The following SCRN2 variants were observed in gnomAD, a reference collection of about 807,000 sequenced individuals.
The protein encoded by SCRN2 is secernin 2.
Under a neutral mutation model 40.1 loss-of-function variants are expected in SCRN2, and 30 were observed. The ratio of observed to expected loss-of-function variants is 0.75; its 90% confidence interval spans 0.56 to 1.01. The LOEUF (loss-of-function observed/expected upper bound fraction) is 1.01. Among genes scored for constraint, SCRN2 ranks in the 50% least tolerant of loss-of-function variants. The probability of loss-of-function intolerance (pLI) is 0.00; values close to 1 mark genes in which losing one functional copy is unlikely to be tolerated. For missense variants in SCRN2, 526 were observed against 564.9 expected (o/e 0.93, Z 0.70); for synonymous variants, 240 against 233.5 (o/e 1.03, Z -0.25).
intron 5 of SCRN2, 26 bp from the exon 6 acceptor site, chr17:47,838,722 G>A: frequency 1.2e-6 from 2 of 1,611,790 alleles, no homozygotes; most frequent in South Asian, 1.1e-5. Context: ...GGGGGAAGCT[G>A]TGGGAGGGGA....
chr17:47,840,454 A>C, intron 2 of SCRN2, 82 bp from the exon 3 acceptor site: 1 of 1,478,340 alleles, frequency 6.8e-7, no homozygotes, highest in Non-Finnish European at 9.3e-7. Flanking sequence ...ATTACCTTAT[A>C]GATCCCTTTG....
rs938156135 is a variant in SCRN2, at chr17:47,840,844, C to A, written c.1-1G>T. On this transcript the variant is annotated splice_acceptor_variant, in intron 1 of 7. Coordinates refer to ENST00000290216, the MANE Select transcript of SCRN2 (RefSeq NM_138355.4). LOFTEE classifies it low-confidence loss of function (5UTR_SPLICE). ...GGGAGTCAGGGCTCGACGACGCCAT[C>A]TGGGGAGAGGCGGGCCTCTCCATAA... 7.9e-6 allele frequency: 12 copies of A among 1,524,380 alleles called. No homozygotes were observed. The Middle Eastern group carries it at 5.3e-4, about 67-fold the overall frequency. 94.4% of individuals were successfully genotyped at this position (1,524,380 alleles called of 1,614,324 possible).
intron 3 of SCRN2, 85 bp from the exon 4 acceptor site, chr17:47,839,728 C>T (rs899889755): frequency 2.6e-5 from 38 of 1,486,264 alleles, no homozygotes; most frequent in South Asian, 5.8e-5. Context: ...AGAAGAGGCC[C>T]GGAGAGGTTT....
Position 47,837,947 on chromosome 17 carries a change from T to C in SCRN2, c.1175A>G (p.Glu392Gly). Residue 392 changes from glutamate to glycine, a missense_variant, in exon 8 of 8, where the codon GAG (glutamate) becomes GGG (glycine). By Grantham distance (98) the Glu-to-Gly change is moderately conservative. Coordinates refer to ENST00000290216, the MANE Select transcript of SCRN2 (RefSeq NM_138355.4). ...KQQDLEQEGLEATQGLLAGEW... is the reference protein window; with the variant it reads ...KQQDLEQEGLGATQGLLAGEW... The stretch of plus-strand genomic sequence containing the variant: ...GCCGGCCAGCAGCCCCTGTGTGGCC[T>C]CGAGGCCTTCCTGCTCCAGATCCTG... The C allele has an allele frequency of 6.2e-7, 1 of 1,606,946 alleles. No individual in the cohort carries two copies. The highest frequency in any genetic ancestry group is 8.5e-7 in the Non-Finnish European group (1 of 1,179,424).
In SCRN2 at chr17:47,838,545, C is replaced by T. The variant is rs769948031; in HGVS notation, c.924G>A (p.Thr308=). The change falls in exon 6 of 8, where the codon ACG becomes ACA. Residue 308 remains threonine (T), a synonymous_variant. Transcript: ENST00000290216. ...ATTCTTCCCACCTGGATGGGTCTGG[C>T]GTGGCGGTAAGAAAGTGCACGCAGG... The part of the protein sequence containing the change: ...TQPCVHFLTA[T]PDPSRSVFKP... The T allele has an allele frequency of 9.3e-6, 15 of 1,613,928 alleles. No individual in the cohort carries two copies. Among genetic ancestry groups the T allele is most frequent in the Admixed American group, 1.7e-5 (1 of 60,002 alleles).
intron 7 of SCRN2, 121 bp downstream of exon 7, chr17:47,838,149 A>T: frequency 6.6e-7 from 1 of 1,521,250 alleles, no homozygotes; most frequent in Non-Finnish European, 8.8e-7. Context: ...GAAGGGAGGA[A>T]CTCCTCTCCC....
chr17:47,839,086 A>G (rs907271550), intron 4 of SCRN2, 80 bp from the exon 5 acceptor site: 25 of 1,482,768 alleles, frequency 1.7e-5, no homozygotes, highest in African/African-American at 5.5e-5. Context: ...TGCTGAGAAC[A>G]TGGTGGAGAA....
rs1298903827 is a variant in SCRN2 at position 47,840,756 on chromosome 17, C to T, written c.88G>A (p.Ala30Thr). The part of the protein sequence containing the change: ...PASAIPAVIF[A>T]KNSDRPRDEV... ...TCCCGGGGTCGGTCCGAGTTCTTGG[C>T]AAAGATCACAGCCGGGATGGCTGAG... The change falls in exon 2 of 8, where the codon GCC (alanine) becomes ACC (threonine). Residue 30 changes from alanine to threonine, a missense_variant. Transcript: ENST00000290216. 6.3e-7 allele frequency: 1 copy of T among 1,594,622 alleles called. No individual in the cohort carries two copies. The highest frequency in any genetic ancestry group is 1.8e-5 in the Admixed American group (1 of 56,968).
rs760503384 is a variant in SCRN2, at chr17:47,838,662, G to A, written c.807C>T (p.Leu269=). The change falls in exon 6 of 8, where the codon CTC becomes CTT. Residue 269 remains leucine (L), a synonymous_variant. Transcript: ENST00000290216. Reference sequence around the variant, plus strand: ...TACAGATACCACTCTCCTTGTCTCTGAGGATGCCCATCATCACCTCTGCCG... The same window carrying A: ...TACAGATACCACTCTCCTTGTCTCTAAGGATGCCCATCATCACCTCTGCCG... ...GITAEVMMGI[L]RDKESGICMD... is the part of the protein sequence containing the mutation. 6.2e-7 allele frequency: 1 copy of A among 1,614,088 alleles called. No individual in the cohort carries two copies. The highest frequency in any genetic ancestry group is 1.7e-5 in the Admixed American group (1 of 60,022).
chr17:47,840,440 G>T, intron 2 of SCRN2, 68 bp from the exon 3 acceptor site: 1 of 1,530,464 alleles, frequency 6.5e-7, no homozygotes, highest in Non-Finnish European at 9.0e-7. Flanking sequence ...GTGGCACTCT[G>T]CCAATTACCT....
At position 47,838,352 on chromosome 17, in the gene SCRN2, G is replaced by A; in HGVS notation, c.1037C>T (p.Pro346Leu). The change falls in exon 7 of 8, where the codon CCC becomes CTC. Residue 346 changes from proline (P) to leucine (L), a missense_variant. Coordinates refer to ENST00000290216, the MANE Select transcript of SCRN2 (RefSeq NM_138355.4). Reference sequence around the variant, plus strand: ...ACGATCTACCTGAGTCTGGAATCGGGGCAGGGTCCGAACAGGGTCTTGTGC... The same window carrying A: ...ACGATCTACCTGAGTCTGGAATCGGAGCAGGGTCCGAACAGGGTCTTGTGC... The part of the protein sequence containing the change: ...FGAQDPVRTL[P>L]RFQTQVDRRH... The A allele has an allele frequency of 6.2e-6, 10 of 1,608,506 alleles. No individual in the cohort carries two copies. The highest frequency in any genetic ancestry group is 8.5e-6 in the Non-Finnish European group (10 of 1,177,484).
chr17:47,838,233 C>T, intron 7 of SCRN2, 37 bp downstream of exon 7: 1 of 1,573,972 alleles, frequency 6.4e-7, no homozygotes, highest in Non-Finnish European at 8.6e-7. Flanking sequence ...GGAGGTCTAT[C>T]ATCCCCTCAA....
intron 6 of SCRN2, 26 bp downstream of exon 6, chr17:47,838,505 G>A: frequency 6.2e-7 from 1 of 1,613,950 alleles, no homozygotes; most frequent in Non-Finnish European, 8.5e-7. Flanking sequence ...CTTCTCCCCA[G>A]CCTTCCCCAC....
Position 47,840,675 on chromosome 17 carries a change from G to C in SCRN2, c.169C>G (p.Leu57Val). The change falls in exon 2 of 8, where the codon CTC becomes GTC. Residue 57 changes from leucine (L) to valine (V), a missense_variant. Leu to Val is a conservative substitution (Grantham distance 32). Coordinates refer to ENST00000290216, the MANE Select transcript of SCRN2 (RefSeq NM_138355.4). Reference protein sequence around the residue: ...PAGTHTPGSRLQCTYIEVEQV... With the variant: ...PAGTHTPGSRVQCTYIEVEQV... The stretch of plus-strand genomic sequence containing the variant: ...CCCCATAAAGTCTAACCCACCTGGA[G>C]CCGGCTCCCAGGAGTGTGAGTGCCT... 1 of 1,602,142 alleles carries C rather than the reference G, an allele frequency of 6.2e-7. No homozygotes were observed. The highest frequency in any genetic ancestry group is 8.5e-7 in the Non-Finnish European group (1 of 1,174,352).
chr17:47,840,950 C>T (rs939096468), intron 1 of SCRN2, 107 bp from the exon 2 acceptor site: 17 of 1,109,854 alleles, frequency 1.5e-5, no homozygotes, highest in Non-Finnish European at 2.1e-5. Flanking sequence ...GCCGTGGCTC[C>T]TGGACGCTCG....
In SCRN2 at chr17:47,838,945, C is replaced by G; in HGVS notation, c.618G>C (p.Pro206=). 6.2e-7 allele frequency: 1 copy of G among 1,614,038 alleles called. No individual in the cohort carries two copies. Among genetic ancestry groups the G allele is most frequent in the Admixed American group, 1.7e-5 (1 of 60,028 alleles). The change falls in exon 5 of 8, where the codon CCG becomes CCC. Residue 206 remains proline (P), a synonymous_variant. Coordinates refer to ENST00000290216, the MANE Select transcript of SCRN2 (RefSeq NM_138355.4). The part of the protein sequence containing the change: ...SIGTDISAQH[P]ELRTHAQAKG... The stretch of plus-strand genomic sequence containing the variant: ...TGGCCTGGGCATGAGTCCGCAGCTC[C>G]GGGTGTTGGGCCGAGATGTCCGTGC...
intron 2 of SCRN2, 55 bp from the exon 3 acceptor site, chr17:47,840,427 A>G: frequency 7.6e-6 from 12 of 1,579,094 alleles, no homozygotes; most frequent in African/African-American, 1.3e-5. Context: ...CGGCCCCTCG[A>G]GTGTGGCACT....
At position 47,838,776 on chromosome 17, in the gene SCRN2, C is replaced by T. The variant is rs770919420; in HGVS notation, c.772+15G>A. Reference sequence around the variant, plus strand: ...TGGCCCTCCTGGCCCCCAGCCCCCTCCACCGTTCACTAACCTTGCCGTTGC... The same window carrying T: ...TGGCCCTCCTGGCCCCCAGCCCCCTTCACCGTTCACTAACCTTGCCGTTGC... On this transcript the variant is annotated intron_variant, in intron 5 of 7. Coordinates refer to ENST00000290216, the MANE Select transcript of SCRN2 (RefSeq NM_138355.4). 3.7e-6 allele frequency: 6 copies of T among 1,612,226 alleles called. No homozygotes were observed. The South Asian group carries it at 5.5e-5, about 15-fold the overall frequency.
Position 47,840,331 on chromosome 17 carries a change from A to C in SCRN2, c.216T>G (p.Ala72=), listed in dbSNP as rs750662245. ...IEVEQVSKTH[A]VILSRPSWLW... is the part of the protein sequence containing the mutation. ...GCCAAGAAGGACGGCTCAGAATCACAGCGTGCGTCTTCGACACCTGTTCCA... is the reference window on the plus strand; with the variant it reads ...GCCAAGAAGGACGGCTCAGAATCACCGCGTGCGTCTTCGACACCTGTTCCA... Residue 72 remains alanine (A), a synonymous_variant, in exon 3 of 8, where the codon GCT becomes GCG. Coordinates refer to ENST00000290216, the MANE Select transcript of SCRN2 (RefSeq NM_138355.4). The C allele has an allele frequency of 2.5e-6, 4 of 1,614,184 alleles. No individual in the cohort carries two copies. In the East Asian group the frequency reaches 8.9e-5, roughly 36 times the overall value.
Sources: gnomAD v4.1 joint callset for allele counts on GRCh38, gnomAD v4.1.1 for gene constraint, MANE v1.5 for transcripts, NCBI Gene and HGNC (gene_info 2026-07-23, HGNC 2026-07-21) for gene names.